MARCHF4: variants seen among roughly 807,000 people sequenced by gnomAD.
The protein encoded by MARCHF4 is membrane associated ring-CH-type finger 4.
In MARCHF4, 14 loss-of-function variants were observed where a neutral mutation model predicts 43.9. The ratio of observed to expected loss-of-function variants is 0.32; its 90% CI spans 0.21 to 0.50. The LOEUF is 0.50. Ranked by LOEUF, MARCHF4 falls within the 20% of genes least tolerant of loss-of-function variation. The pLI is 0.98. For synonymous variants in MARCHF4, 226 were observed against 213.3 expected, an observed-to-expected ratio of 1.06 and a Z score of -0.52; for missense variants, 468 against 536.7, an observed-to-expected ratio of 0.87 and a Z score of 1.27.
At chr2:216,278,015 T>C in intron 2 of MARCHF4, 151 bp from the exon 3 acceptor site, 1 of 640,958 alleles carries the variant, frequency 1.6e-6, no homozygotes, top group South Asian at 2.6e-5. Context: ...TTTTGCAGGT[T>C]TCTGAATTTC....
intron 1 of MARCHF4, among the ~76,000 whole-genome samples, chr2:216,285,040 T>C (rs1336778300): frequency 6.6e-6 from 1 of 152,188 alleles, no homozygotes; most frequent in Admixed American, 6.5e-5. Flanking sequence ...TATCCCTGTC[T>C]ACCCACGAGA....
At chr2:216,322,639 T>A (rs1190297166) in intron 1 of MARCHF4, among the ~76,000 whole-genome samples, 1 of 152,198 alleles carries the variant, frequency 6.6e-6, no homozygotes, top group African/African-American at 2.4e-5. Flanking sequence ...CTGGCCAACA[T>A]GGCGAAACCC....
At chr2:216,289,085 AT>A (rs1160140167) in intron 1 of MARCHF4, among the ~76,000 whole-genome samples, 17 of 148,160 alleles carry the variant, frequency 1.1e-4, no homozygotes, top group African/African-American at 2.5e-4. Context: ...TTATTTATTT[AT>A]TTTTTTTGGA....
chr2:216,308,956 T>TG lies in MARCHF4; in HGVS notation c.517-25228dup. 1.3e-5 allele frequency among the ~76,000 whole-genome samples: 2 copies of TG among 152,324 alleles called. 1 individual carries two copies. Among genetic ancestry groups the TG allele is most frequent in the South Asian group, 4.1e-4 (2 of 4,822 alleles). On this transcript the variant is annotated intron_variant, in intron 1 of 3. Transcript: ENST00000273067. ...TCATGGTTTTCATGTTTGCTCCTTG[T>TG]GAACGGCAGAAGCAAAGTACTTGGA... is the stretch of plus-strand genomic sequence containing the variant.
rs57629851 is a variant in MARCHF4, at chr2:216,271,957, A to AT, written c.865+5714dup. On this transcript the variant is annotated intron_variant, in intron 3 of 3. Transcript: ENST00000273067. ...AGGTGCACACCACCACACCTGGCTA[A>AT]TTTTTTTTTTTTTTTTTTTTTTTTT... Among the ~76,000 whole-genome samples the AT allele has an allele frequency of 2.3e-3, 234 of 100,556 alleles. 4 individuals carry two copies. The highest frequency in any genetic ancestry group is 6.2e-3 in the African/African-American group (152 of 24,556). The allele number at this position is 100,556 out of a possible 152,430, so 66.0% of individuals were successfully genotyped here. A position where few individuals can be genotyped will look rare whatever the true frequency, so the allele number is the denominator to read the frequency against.
chr2:216,315,046 A>G (rs1691752536), intron 1 of MARCHF4, among the ~76,000 whole-genome samples: 1 of 152,228 alleles, frequency 6.6e-6, no homozygotes, highest in Non-Finnish European at 1.5e-5. Flanking sequence ...CTTGAATGTC[A>G]ATATATTATT....
At chr2:216,369,707 A>G (rs748246170) in intron 1 of MARCHF4, 38 bp downstream of exon 1, 1 of 1,509,392 alleles carries the variant, frequency 6.6e-7, no homozygotes, top group South Asian at 1.3e-5. Flanking sequence ...AGACCTGAAA[A>G]TACCACAGGA....
intron 1 of MARCHF4, among the ~76,000 whole-genome samples, chr2:216,307,771 A>C (rs1449836608): frequency 2.0e-5 from 3 of 152,168 alleles, no homozygotes; most frequent in Non-Finnish European, 4.4e-5. Context: ...CCATGTATTC[A>C]TTCATTCGTT....
chr2:216,302,952 G>A (rs1436301144), intron 1 of MARCHF4, among the ~76,000 whole-genome samples: 7 of 144,154 alleles, frequency 4.9e-5, no homozygotes, highest in African/African-American at 1.3e-4. Flanking sequence ...TTATAAAGAT[G>A]TATTTATAAA....
At chr2:216,345,056 T>G (rs1236699260) in intron 1 of MARCHF4, among the ~76,000 whole-genome samples, 1 of 151,998 alleles carries the variant, frequency 6.6e-6, no homozygotes, top group Non-Finnish European at 1.5e-5. Context: ...GGTCATCTGC[T>G]GAGAATGAGG....
intron 1 of MARCHF4, among the ~76,000 whole-genome samples, chr2:216,285,861 G>C (rs1268392671): frequency 1.3e-5 from 2 of 152,226 alleles, no homozygotes; most frequent in Admixed American, 6.5e-5. Flanking sequence ...TTGTTAAGCA[G>C]CCACGTCAAA....
chr2:216,337,229 A>T (rs1692172534), intron 1 of MARCHF4, among the ~76,000 whole-genome samples: 1 of 152,222 alleles, frequency 6.6e-6, no homozygotes, highest in South Asian at 2.1e-4. Context: ...ATTTTGTACC[A>T]GAATTATCTA....
chr2:216,316,415 T>G (rs1178836889), intron 1 of MARCHF4, among the ~76,000 whole-genome samples: 1 of 152,168 alleles, frequency 6.6e-6, no homozygotes, highest in Non-Finnish European at 1.5e-5. Context: ...TGCTGAGGAC[T>G]GCAAAATCTT....
At chr2:216,281,790 C>T (rs1237340674) in intron 2 of MARCHF4, among the ~76,000 whole-genome samples, 1 of 152,178 alleles carries the variant, frequency 6.6e-6, no homozygotes, top group Admixed American at 6.5e-5. Context: ...TCAAGAAACT[C>T]ACAGTGGAAG....
chr2:216,285,208 C>A (rs1691199708), intron 1 of MARCHF4, among the ~76,000 whole-genome samples: 1 of 152,202 alleles, frequency 6.6e-6, no homozygotes, highest in African/African-American at 2.4e-5. Flanking sequence ...AATGAGAATG[C>A]CCACTCCGTG....
intron 2 of MARCHF4, among the ~76,000 whole-genome samples, chr2:216,282,301 TAC>T (rs1691141925): frequency 6.6e-6 from 1 of 151,882 alleles, no homozygotes; most frequent in African/African-American, 2.4e-5. Flanking sequence ...CACACACACA[TAC>T]ACACACACTC....
chr2:216,339,153 AGT>A (rs1402068027), intron 1 of MARCHF4, among the ~76,000 whole-genome samples: 1 of 152,222 alleles, frequency 6.6e-6, no homozygotes, highest in Non-Finnish European at 1.5e-5. Context: ...CCTGATCTGT[AGT>A]TTGAGAGGAC....
intron 1 of MARCHF4, among the ~76,000 whole-genome samples, chr2:216,362,334 A>T (rs1340210579): frequency 1.3e-5 from 2 of 152,256 alleles, no homozygotes; most frequent in Non-Finnish European, 2.9e-5. Context: ...GGGACCAAAG[A>T]TAGCACTATT....
rs566750861 is a variant in MARCHF4, at chr2:216,285,382, C to T, written c.517-1653G>A. On this transcript the variant is annotated intron_variant, in intron 1 of 3. Transcript: ENST00000273067. ...ACTCTGCTCCTCCAATAACAACAGGCCCTCTTTGCTGTGGCTCCAGGCCCT... is the reference window on the plus strand; with the variant it reads ...ACTCTGCTCCTCCAATAACAACAGGTCCTCTTTGCTGTGGCTCCAGGCCCT... Among the ~76,000 whole-genome samples, 53 of 152,302 alleles carry T rather than the reference C, an allele frequency of 3.5e-4. No homozygotes were observed. In the East Asian group the frequency reaches 4.6e-3, roughly 13 times the overall value.
Sources: allele counts gnomAD v4.1 joint callset (sites outside exome capture counted in the v4.1 genomes callset), GRCh38; gene constraint gnomAD v4.1.1; transcripts MANE v1.5; gene names NCBI Gene and HGNC (gene_info 2026-07-23, HGNC 2026-07-21).